TMPRSS13: variants seen among roughly 807,000 people sequenced by gnomAD.
TMPRSS13 encodes the protein transmembrane protease serine 13.
TMPRSS13 carries 50 observed loss-of-function variants against 68.4 expected under a neutral mutation model. That is an observed-to-expected ratio of 0.73 (90% CI 0.58 to 0.93). The LOEUF (loss-of-function observed/expected upper bound fraction) is 0.93. TMPRSS13 is among the 40% of genes least tolerant of loss of function. The pLI, the probability that TMPRSS13 is intolerant of heterozygous loss-of-function variation, is 0.00. For synonymous variants in TMPRSS13, 267 were observed against 285.8 expected (o/e 0.93, Z 0.66); for missense variants, 615 against 729.2 (o/e 0.84, Z 1.80).
intron 3 of TMPRSS13, among the ~76,000 whole-genome samples, chr11:117,916,576 G>C (rs1407106870): frequency 6.6e-6 from 1 of 152,224 alleles, no homozygotes; most frequent in Non-Finnish European, 1.5e-5. Flanking sequence ...CCACTGTGCT[G>C]GGCTCATAGT....
chr11:117,903,780 C>T lies in TMPRSS13; in HGVS notation c.1552G>A (p.Glu518Lys). ...GCCAGGTACCAGCGGTTGTTCTGCT[C>T]ACAGACAAGAGGCCCCCCGCTGTCT... The part of the protein sequence containing the change: ...QGDSGGPLVC[E>K]QNNRWYLAGV... Residue 518 changes from glutamate to lysine, a missense_variant, in exon 12 of 13, where the codon GAG (glutamate) becomes AAG (lysine). By Grantham distance (56) the Glu-to-Lys change is moderately conservative. Transcript: ENST00000524993. 1 of 1,611,830 alleles carries T rather than the reference C, an allele frequency of 6.2e-7. No individual in the cohort carries two copies. The highest frequency in any genetic ancestry group is 8.5e-7 in the Non-Finnish European group (1 of 1,178,980).
intron 7 of TMPRSS13, 91 bp downstream of exon 7, chr11:117,910,616 T>C: frequency 1.5e-6 from 2 of 1,334,716 alleles, no homozygotes; most frequent in South Asian, 1.4e-5. Context: ...CTTGAACCCC[T>C]GTGCCAAACA....
intron 10 of TMPRSS13, among the ~76,000 whole-genome samples, chr11:117,905,183 C>T (rs559179141): frequency 2.6e-5 from 4 of 151,886 alleles, no homozygotes; most frequent in Non-Finnish European, 4.4e-5. Flanking sequence ...GTGTAAGCTA[C>T]GGTGCCCGGC....
At position 117,907,071 on chromosome 11, in the gene TMPRSS13, C is replaced by A. The variant is rs1591617543; in HGVS notation, c.1283-1335G>T. Among the ~76,000 whole-genome samples, 7 of 151,450 alleles carry A rather than the reference C, an allele frequency of 4.6e-5. 1 individual carries two copies. In the South Asian group the frequency reaches 1.5e-3, roughly 32 times the overall value. On this transcript the variant is annotated intron_variant, in intron 9 of 12. Coordinates refer to ENST00000524993, the MANE Select transcript of TMPRSS13 (RefSeq NM_001077263.3). ...ACGCAATGTGAGAATAGCTTTCATT[C>A]GCTTTTAGAAATTATTTAGTTTTGG...
At chr11:117,913,153 A>T (rs2057540134) in intron 5 of TMPRSS13, among the ~76,000 whole-genome samples, 1 of 152,138 alleles carries the variant, frequency 6.6e-6, no homozygotes, top group African/African-American at 2.4e-5. Flanking sequence ...CATCTGGAAA[A>T]CTCAGTCCAA....
Position 117,902,125 on chromosome 11 carries a change from T to G in TMPRSS13, c.*114A>C, listed in dbSNP as rs1261240881. 62 of 1,098,294 alleles carry G rather than the reference T, an allele frequency of 5.6e-5. No individual in the cohort carries two copies. The highest frequency in any genetic ancestry group is 3.5e-4 in the Admixed American group (18 of 51,352). The allele number at this position is 1,098,294 out of a possible 1,614,324, so 68.0% of individuals were successfully genotyped here. ...ACACAGAGGCAGCAGACAGTGGAGG[T>G]GGGAGTCCGATGGTGCCCGGTGGCC... On this transcript the variant is annotated 3_prime_UTR_variant, in exon 13 of 13. Transcript: ENST00000524993.
intron 1 of TMPRSS13, among the ~76,000 whole-genome samples, chr11:117,925,199 C>T (rs982312185): frequency 5.3e-5 from 8 of 152,162 alleles, no homozygotes; most frequent in African/African-American, 1.4e-4. Context: ...CAGAGAAGAC[C>T]GACCTTTCAG....
rs765999179 is a variant in TMPRSS13 at position 117,917,174 on chromosome 11, G to GC, written c.551_552insG (p.Ile184MetfsTer29). ...TGCACCCTCCATTCAACTCACAGAGGATGATGAGCGAAACCACCAGGGCAA... is the reference window on the plus strand; with the variant it reads ...TGCACCCTCCATTCAACTCACAGAGGCATGATGAGCGAAACCACCAGGGCAA... On this transcript the variant is annotated frameshift_variant, in exon 3 of 13. Coordinates refer to ENST00000524993, the MANE Select transcript of TMPRSS13 (RefSeq NM_001077263.3). LOFTEE classifies it high-confidence loss of function. 3.1e-6 allele frequency: 5 copies of GC among 1,611,490 alleles called. No individual in the cohort carries two copies. The Admixed American group carries it at 6.7e-5, about 21-fold the overall frequency.
chr11:117,905,614 C>A (rs1191269589), intron 10 of TMPRSS13, 24 bp downstream of exon 10: 14 of 1,567,598 alleles, frequency 8.9e-6, no homozygotes, highest in Non-Finnish European at 1.2e-5. Flanking sequence ...TACATACACA[C>A]AACCAAGCAT....
chr11:117,908,802 G>C lies in TMPRSS13; in HGVS notation c.1110-18C>G, dbSNP rs780345577. On this transcript the variant is annotated intron_variant, in intron 8 of 12. Transcript: ENST00000524993. Reference sequence around the variant, plus strand: ...CCCGGGTCCTGCAAGAGCCACAAAGGAGCGTGGTCCAGTACCTGCCTGGCA... The same window carrying C: ...CCCGGGTCCTGCAAGAGCCACAAAGCAGCGTGGTCCAGTACCTGCCTGGCA... The C allele has an allele frequency of 6.3e-7, 1 of 1,586,318 alleles. No individual in the cohort carries two copies. The highest frequency in any genetic ancestry group is 8.6e-7 in the Non-Finnish European group (1 of 1,167,560).
At chr11:117,903,073 T>G in intron 12 of TMPRSS13, 1 of 1,144,830 alleles carries the variant, frequency 8.7e-7, no homozygotes, top group Non-Finnish European at 1.1e-6. Context: ...CTTTATACTC[T>G]TTTATGATAG....
chr11:117,912,539 A>G (rs1264633607), intron 5 of TMPRSS13, among the ~76,000 whole-genome samples: 21 of 152,056 alleles, frequency 1.4e-4, no homozygotes, highest in Admixed American at 1.4e-3. Context: ...AATGTGTTCT[A>G]CTCTCTGCAT....
At chr11:117,923,569 A>T (rs546000280) in intron 1 of TMPRSS13, among the ~76,000 whole-genome samples, 61 of 152,268 alleles carry the variant, frequency 4.0e-4, no homozygotes, top group Admixed American at 2.2e-3. Flanking sequence ...TATGCACTTC[A>T]GGTCCCCCAG....
intron 5 of TMPRSS13, 59 bp downstream of exon 5, chr11:117,913,718 C>G: frequency 1.3e-6 from 2 of 1,593,134 alleles, no homozygotes; most frequent in Admixed American, 3.5e-5. Context: ...CTTGAGACAC[C>G]CTATGAAGAG....
At position 117,911,776 on chromosome 11, in the gene TMPRSS13, G is replaced by C; in HGVS notation, c.894C>G (p.Ser298Arg). Residue 298 changes from serine to arginine, a missense_variant, in exon 6 of 13, where the codon AGC (serine) becomes AGG (arginine). Coordinates refer to ENST00000524993, the MANE Select transcript of TMPRSS13 (RefSeq NM_001077263.3). The part of the protein sequence containing the change: ...ILRYNSTIQE[S>R]LHRSECPSQR... ...TGCCTGCCCCACCATACCTGTGGAG[G>C]CTTTCCTGGATGGTGGAGTTGTATC... 1 of 1,613,860 alleles carries C rather than the reference G, an allele frequency of 6.2e-7. No individual in the cohort carries two copies.
intron 1 of TMPRSS13, 97 bp downstream of exon 1, chr11:117,929,190 C>G: frequency 4.7e-6 from 5 of 1,065,022 alleles, no homozygotes; most frequent in Non-Finnish European, 6.6e-6. Flanking sequence ...TCCCCCAAAC[C>G]TGAAACACAG....
chr11:117,902,092 A>T lies in TMPRSS13; in HGVS notation c.*147T>A. On this transcript the variant is annotated 3_prime_UTR_variant, in exon 13 of 13. Coordinates refer to ENST00000524993, the MANE Select transcript of TMPRSS13 (RefSeq NM_001077263.3). ...CATATGCACACACACACACACACACACACACACACACAGAGGCAGCAGACA... is the reference window on the plus strand; with the variant it reads ...CATATGCACACACACACACACACACTCACACACACACAGAGGCAGCAGACA... 1 of 841,594 alleles carries T rather than the reference A, an allele frequency of 1.2e-6. No homozygotes were observed. The highest frequency in any genetic ancestry group is 1.5e-5 in the South Asian group (1 of 66,138). 52.1% of individuals were successfully genotyped at this position (841,594 alleles called of 1,614,324 possible).
At chr11:117,926,538 C>A (rs1380259003) in intron 1 of TMPRSS13, among the ~76,000 whole-genome samples, 2 of 152,246 alleles carry the variant, frequency 1.3e-5, no homozygotes, top group Non-Finnish European at 2.9e-5. Flanking sequence ...AGAAAATCCA[C>A]TCCACAAAGG....
Position 117,916,160 on chromosome 11 carries a change from C to G in TMPRSS13, c.556+1010G>C, listed in dbSNP as rs1017113224. Among the ~76,000 whole-genome samples the G allele has an allele frequency of 2.0e-5, 3 of 152,196 alleles. No individual in the cohort carries two copies. The East Asian group carries it at 5.8e-4, about 29-fold the overall frequency. On this transcript the variant is annotated intron_variant, in intron 3 of 12. Coordinates refer to ENST00000524993, the MANE Select transcript of TMPRSS13 (RefSeq NM_001077263.3). Reference sequence around the variant, plus strand: ...TGCTGCCTCTTTAACAGAATCCTTACTCTTTGGCCTGGGGTTTAAAGCTCT... The same window carrying G: ...TGCTGCCTCTTTAACAGAATCCTTAGTCTTTGGCCTGGGGTTTAAAGCTCT...
Sources: gnomAD v4.1 joint callset for allele counts (sites outside exome capture counted in the v4.1 genomes callset) on GRCh38, gnomAD v4.1.1 for gene constraint, MANE v1.5 for transcripts, NCBI Gene and HGNC (gene_info 2026-07-23, HGNC 2026-07-21) for gene names.